The following PKHD1 variants were observed in gnomAD, a reference collection of about 807,000 sequenced individuals.
PKHD1 encodes the protein PKHD1 ciliary IPT domain containing fibrocystin/polyductin, also known as fibrocystin.
Under a neutral mutation model 412.0 loss-of-function variants are expected in PKHD1, and 291 were observed. The ratio of observed to expected loss-of-function variants is 0.71; its 90% CI spans 0.64 to 0.78. The LOEUF is 0.78. Ranked by LOEUF, PKHD1 falls within the 30% of genes least tolerant of loss-of-function variation. PKHD1 has a pLI of 0.00. For missense variants in PKHD1, 4,825 were observed against 4,950.7 expected (o/e 0.97, Z 0.76); for synonymous variants, 1,777 against 1,821.5 (o/e 0.98, Z 0.62).
intron 35 of PKHD1, among the ~76,000 whole-genome samples, chr6:51,994,310 T>G (rs1797446413): frequency 6.6e-6 from 1 of 152,106 alleles, no homozygotes; most frequent in South Asian, 2.1e-4. Flanking sequence ...AATTTTTTTG[T>G]ATTTTTAATA....
At chr6:51,871,040 A>G (rs1775911905) in intron 46 of PKHD1, among the ~76,000 whole-genome samples, 1 of 152,206 alleles carries the variant, frequency 6.6e-6, no homozygotes, top group Non-Finnish European at 1.5e-5. Context: ...GTAAGTGCTG[A>G]TGAGGATGAG....
At chr6:52,050,015 C>T (rs1020113904) in intron 22 of PKHD1, 142 bp downstream of exon 22, 5 of 783,740 alleles carry the variant, frequency 6.4e-6, no homozygotes, top group Non-Finnish European at 1.1e-5. Flanking sequence ...CCAGGTGAAT[C>T]TGGTGCTGCA....
rs540202600 is a variant in PKHD1, at chr6:51,627,130, G to A, written c.11666-14C>T. The A allele has an allele frequency of 6.2e-7, 1 of 1,610,296 alleles. No individual in the cohort carries two copies. Among genetic ancestry groups the A allele is most frequent in the South Asian group, 1.1e-5 (1 of 90,996 alleles). On this transcript the variant is annotated splice_polypyrimidine_tract_variant and intron_variant, in intron 65 of 66. Transcript: ENST00000371117. ...CAGGTTTTGTTTCTGTATTAATGGA[G>A]AAGAAAAAGGATTTTTTTGTTCAGT...
rs563934727 is a variant in PKHD1 at position 51,711,943 on chromosome 6, G to A, written c.10156+32442C>T. ...CAACCTACATGGTTTTGGAAGTAAT[G>A]CCTGGAACTAGCCAAAAAAATTGTA... On this transcript the variant is annotated intron_variant, in intron 60 of 66. Transcript: ENST00000371117. Among the ~76,000 whole-genome samples, 36 of 152,264 alleles carry A rather than the reference G, an allele frequency of 2.4e-4. No individual in the cohort carries two copies. In the South Asian group the frequency reaches 7.1e-3, roughly 30 times the overall value.
chr6:51,795,885 T>C (rs7769610), intron 52 of PKHD1, among the ~76,000 whole-genome samples: 89,780 of 151,998 alleles, frequency 0.59, 27,185 homozygotes, highest in East Asian at 0.83. Context: ...TTGATCATGC[T>C]GGATAAACTT....
At chr6:51,764,822 C>A (rs1395165367) in intron 55 of PKHD1, among the ~76,000 whole-genome samples, 1 of 152,000 alleles carries the variant, frequency 6.6e-6, no homozygotes, top group Non-Finnish European at 1.5e-5. Context: ...TCTCCATTCT[C>A]CCTCCCAACC....
intron 35 of PKHD1, among the ~76,000 whole-genome samples, chr6:51,976,429 G>A (rs551234256): frequency 8.5e-5 from 13 of 152,286 alleles, no homozygotes; most frequent in Admixed American, 8.5e-4. Flanking sequence ...CTTGTATAAA[G>A]TGCCTATTAG....
intron 37 of PKHD1, among the ~76,000 whole-genome samples, chr6:51,925,779 C>T (rs1230549505): frequency 6.6e-6 from 1 of 151,880 alleles, no homozygotes; most frequent in Non-Finnish European, 1.5e-5. Flanking sequence ...TCTCTCCCTC[C>T]TTCTCTCTCC....
At chr6:52,043,569 A>G (rs768071027) in intron 26 of PKHD1, 56 bp downstream of exon 26, 14 of 1,271,818 alleles carry the variant, frequency 1.1e-5, no homozygotes, top group Non-Finnish European at 1.5e-5. Flanking sequence ...GCCTCTAACA[A>G]AATCACTGCA....
At chr6:51,815,881 T>G (rs972271955) in intron 52 of PKHD1, among the ~76,000 whole-genome samples, 4 of 152,232 alleles carry the variant, frequency 2.6e-5, no homozygotes, top group Non-Finnish European at 4.4e-5. Flanking sequence ...GAAGTAAAAT[T>G]TCTCACTTTA....
rs1043808964 is a variant in PKHD1, at chr6:51,616,136, G to A, written c.*2945C>T. On this transcript the variant is annotated 3_prime_UTR_variant, in exon 67 of 67. Coordinates refer to ENST00000371117, the MANE Select transcript of PKHD1 (RefSeq NM_138694.4). ...TTGAAATATGTATACATTGTGGAAT[G>A]GATCAGTTGAACTAATTAACATATG... 1.3e-5 allele frequency: 2 copies of A among 152,136 alleles called. No homozygotes were observed. Among genetic ancestry groups the A allele is most frequent in the African/African-American group, 4.8e-5 (2 of 41,394 alleles). 9.4% of individuals were successfully genotyped at this position (152,136 alleles called of 1,614,324 possible).
At chr6:51,921,586 T>C (rs1258582682) in intron 37 of PKHD1, among the ~76,000 whole-genome samples, 1 of 152,244 alleles carries the variant, frequency 6.6e-6, no homozygotes, top group Non-Finnish European at 1.5e-5. Context: ...GATTTGGTCT[T>C]TTCACATAGT....
At position 51,617,126 on chromosome 6, in the gene PKHD1, A is replaced by G. The variant is rs1457419674; in HGVS notation, c.*1955T>C. The G allele has an allele frequency of 6.4e-6, 1 of 155,160 alleles. No individual in the cohort carries two copies. Among genetic ancestry groups the G allele is most frequent in the Non-Finnish European group, 1.4e-5 (1 of 70,084 alleles). The allele number at this position is 155,160 out of a possible 1,614,324, so 9.6% of individuals were successfully genotyped here. ...GAAAGAATCCGAGGAAATGAAAGAAAGCATGTGCAGGTAAACTGAGGCAGG... is the reference window on the plus strand; with the variant it reads ...GAAAGAATCCGAGGAAATGAAAGAAGGCATGTGCAGGTAAACTGAGGCAGG... On this transcript the variant is annotated 3_prime_UTR_variant, in exon 67 of 67. Coordinates refer to ENST00000371117, the MANE Select transcript of PKHD1 (RefSeq NM_138694.4).
In PKHD1 at chr6:51,912,418, C is replaced by T. The variant is rs1314635548; in HGVS notation, c.6280G>A (p.Val2094Ile). The change falls in exon 38 of 67, where the codon GTC becomes ATC. Residue 2094 changes from valine (V) to isoleucine (I), a missense_variant. By Grantham distance (29) the Val-to-Ile change is conservative. Coordinates refer to ENST00000371117, the MANE Select transcript of PKHD1 (RefSeq NM_138694.4). Reference sequence around the variant, plus strand: ...GTATCCTGCACAGTTTCCACAGTGACAATCTCTTCCATCGGTTTGGCACCT... The same window carrying T: ...GTATCCTGCACAGTTTCCACAGTGATAATCTCTTCCATCGGTTTGGCACCT... ...VKGAKPMEEI[V>I]TVETVQDTDL... 1.2e-6 allele frequency: 2 copies of T among 1,613,048 alleles called. No individual in the cohort carries two copies. Among genetic ancestry groups the T allele is most frequent in the African/African-American group, 1.3e-5 (1 of 74,824 alleles).
At chr6:51,699,920 A>AGTGT (rs148337538) in intron 60 of PKHD1, among the ~76,000 whole-genome samples, 3,018 of 137,828 alleles carry the variant, frequency 0.022, 43 homozygotes, top group Middle Eastern at 0.032. Context: ...ATATATATGG[A>AGTGT]GTGTGTGTGT....
intron 60 of PKHD1, among the ~76,000 whole-genome samples, chr6:51,715,315 C>G (rs1028701165): frequency 6.9e-6 from 1 of 144,064 alleles, no homozygotes; most frequent in East Asian, 1.9e-4. Flanking sequence ...GTATTCCCAA[C>G]TCCCCTCCTT....
rs4711982 is a variant in PKHD1, at chr6:51,820,281, A to G, written c.8302+10580T>C. Among the ~76,000 whole-genome samples the G allele has an allele frequency of 5.3e-5, 8 of 152,254 alleles. 1 individual carries two copies. In the South Asian group the frequency reaches 1.7e-3, roughly 32 times the overall value. On this transcript the variant is annotated intron_variant, in intron 52 of 66. Coordinates refer to ENST00000371117, the MANE Select transcript of PKHD1 (RefSeq NM_138694.4). ...TCTTGTGACCTAGCCTTCAAAATCCAAGAACATTATTCTATTAATACAGTC... is the reference window on the plus strand; with the variant it reads ...TCTTGTGACCTAGCCTTCAAAATCCGAGAACATTATTCTATTAATACAGTC...
Position 52,048,557 on chromosome 6 carries a change from C to T in PKHD1, c.2342G>A (p.Arg781Gln), listed in dbSNP as rs774293921. ...TCCTAGAGGTGGACTTGTCCGCTGT[C>T]GTCTCTGTGTCGTCACCAGGACCAG... is the stretch of plus-strand genomic sequence containing the variant. ...SGLVLVTTQR[R>Q]QRTSPPLGGH... The change falls in exon 23 of 67, where the codon CGA (arginine) becomes CAA (glutamine). Residue 781 changes from arginine to glutamine, a missense_variant. Arg to Gln is a conservative substitution (Grantham distance 43, BLOSUM62 1). Coordinates refer to ENST00000371117, the MANE Select transcript of PKHD1 (RefSeq NM_138694.4). 12 of 1,613,936 alleles carry T rather than the reference C, an allele frequency of 7.4e-6. No individual in the cohort carries two copies. Among genetic ancestry groups the T allele is most frequent in the South Asian group, 2.2e-5 (2 of 91,082 alleles).
At chr6:51,727,125 A>T (rs1246321809) in intron 60 of PKHD1, among the ~76,000 whole-genome samples, 1 of 152,222 alleles carries the variant, frequency 6.6e-6, no homozygotes, top group African/African-American at 2.4e-5. Context: ...CCTACAGTGA[A>T]CAAGGACACA....
Sources: allele counts gnomAD v4.1 joint callset (sites outside exome capture counted in the v4.1 genomes callset), GRCh38; gene constraint gnomAD v4.1.1; transcripts MANE v1.5; gene names NCBI Gene and HGNC (gene_info 2026-07-23, HGNC 2026-07-21).